PRKCA: variants seen among roughly 807,000 people sequenced by gnomAD.
The protein encoded by PRKCA is protein kinase C alpha type.
PRKCA carries 27 observed loss-of-function variants against 87.0 expected under a neutral mutation model. The ratio of observed to expected loss-of-function variants is 0.31; its 90% CI spans 0.23 to 0.43. The LOEUF is 0.43. Ranked by LOEUF, PRKCA falls within the 20% of genes least tolerant of loss-of-function variation. The probability of loss-of-function intolerance (pLI) is 1.00; values close to 1 mark genes in which losing one functional copy is unlikely to be tolerated. For missense variants in PRKCA, 518 were observed against 852.3 expected (o/e 0.61, Z 4.88); for synonymous variants, 329 against 311.1 (o/e 1.06, Z -0.61).
intron 2 of PRKCA, among the ~76,000 whole-genome samples, chr17:66,356,744 G>T (rs1598612896): frequency 6.6e-6 from 1 of 152,234 alleles, no homozygotes; most frequent in Middle Eastern, 3.4e-3. Flanking sequence ...CCCTTAAAAT[G>T]ATTTTTTAAA....
chr17:66,713,038 C>G (rs952312649), intron 8 of PRKCA, among the ~76,000 whole-genome samples: 1 of 138,924 alleles, frequency 7.2e-6, no homozygotes, highest in African/African-American at 2.7e-5. Flanking sequence ...TAAAGTGAAC[C>G]CTTTGTTGTC....
chr17:66,697,579 A>C (rs1972956006), intron 8 of PRKCA, among the ~76,000 whole-genome samples: 1 of 152,162 alleles, frequency 6.6e-6, no homozygotes, highest in Non-Finnish European at 1.5e-5. Context: ...GTAAGCACCC[A>C]GCTCCCCCAG....
At chr17:66,493,215 A>G (rs1433091545) in intron 2 of PRKCA, among the ~76,000 whole-genome samples, 3 of 152,046 alleles carry the variant, frequency 2.0e-5, no homozygotes, top group African/African-American at 7.2e-5. Flanking sequence ...AGAATTATCC[A>G]TGATTCTATT....
chr17:66,442,453 G>A (rs1457797811), intron 2 of PRKCA, among the ~76,000 whole-genome samples: 1 of 151,980 alleles, frequency 6.6e-6, no homozygotes, highest in Middle Eastern at 3.2e-3. Context: ...CCACTTCAGA[G>A]AGTGATCTTT....
chr17:66,645,747 G>T (rs913261059), intron 5 of PRKCA, among the ~76,000 whole-genome samples: 4 of 152,202 alleles, frequency 2.6e-5, no homozygotes, highest in Admixed American at 2.6e-4. Context: ...GTCACACAAA[G>T]TCACAAGCAC....
At chr17:66,330,255 G>A (rs908090535) in intron 2 of PRKCA, among the ~76,000 whole-genome samples, 5 of 151,866 alleles carry the variant, frequency 3.3e-5, no homozygotes, top group South Asian at 2.1e-4. Context: ...ACAGGTGCCC[G>A]CCACCACACC....
At chr17:66,530,084 T>C (rs551989731) in intron 3 of PRKCA, among the ~76,000 whole-genome samples, 116 of 148,394 alleles carry the variant, frequency 7.8e-4, no homozygotes, top group African/African-American at 3.0e-3. Flanking sequence ...ATGGATGATA[T>C]TTGGTTCCTG....
chr17:66,372,199 C>CA (rs1278467822), intron 2 of PRKCA, among the ~76,000 whole-genome samples: 1 of 152,204 alleles, frequency 6.6e-6, no homozygotes, highest in Non-Finnish European at 1.5e-5. Context: ...TCTGCACTGA[C>CA]ACAGGCGGTC....
chr17:66,588,535 TTGG>T (rs1969689937), intron 3 of PRKCA, among the ~76,000 whole-genome samples: 2 of 151,996 alleles, frequency 1.3e-5, no homozygotes, highest in Admixed American at 6.6e-5. Flanking sequence ...CTGAGACAAG[TTGG>T]TGGTGTGTTA....
chr17:66,385,032 A>G (rs976215254), intron 2 of PRKCA, among the ~76,000 whole-genome samples: 1 of 152,144 alleles, frequency 6.6e-6, no homozygotes, highest in South Asian at 2.1e-4. Flanking sequence ...CTTGTGCAGT[A>G]TTATCTTTCT....
intron 2 of PRKCA, among the ~76,000 whole-genome samples, chr17:66,334,244 G>T (rs1267283110): frequency 6.6e-6 from 1 of 151,800 alleles, no homozygotes; most frequent in Non-Finnish European, 1.5e-5. Context: ...AGTGAAACTA[G>T]GTCAAAAAAC....
At chr17:66,376,192 C>G (rs1365870264) in intron 2 of PRKCA, among the ~76,000 whole-genome samples, 1 of 152,126 alleles carries the variant, frequency 6.6e-6, no homozygotes, top group Non-Finnish European at 1.5e-5. Context: ...TGTTTAACCA[C>G]CCTCCCCTGA....
At chr17:66,574,373 A>T (rs1969164067) in intron 3 of PRKCA, among the ~76,000 whole-genome samples, 1 of 152,148 alleles carries the variant, frequency 6.6e-6, no homozygotes, top group Non-Finnish European at 1.5e-5. Context: ...TCTAACCCTC[A>T]GTCAGTCTCT....
At chr17:66,793,082 G>A (rs557581576) in intron 16 of PRKCA, among the ~76,000 whole-genome samples, 9 of 152,348 alleles carry the variant, frequency 5.9e-5, no homozygotes, top group Admixed American at 2.0e-4. Context: ...CTGGACACAG[G>A]CAGCCAACAA....
At chr17:66,641,530 G>C in intron 4 of PRKCA, 64 bp downstream of exon 4, 1 of 1,210,998 alleles carries the variant, frequency 8.3e-7, no homozygotes, top group South Asian at 1.4e-5. Context: ...GGTTTGCTGA[G>C]CAAGGAAGGC....
chr17:66,732,704 C>G lies in PRKCA; in HGVS notation c.935C>G (p.Pro312Arg), dbSNP rs760849115. The G allele has an allele frequency of 7.4e-6, 12 of 1,613,956 alleles. No individual in the cohort carries two copies. The Admixed American group carries it at 1.3e-4, about 18-fold the overall frequency. Residue 312 changes from proline to arginine, a missense_variant, in exon 9 of 17, where the codon CCT becomes CGT. This residue lies in a region of PRKCA where 300 missense variants were observed against 496.8 expected (regional missense o/e 0.60). Transcript: ENST00000413366. ...RQKFEKAKLGPAGNKVISPSE... is the reference protein window; with the variant it reads ...RQKFEKAKLGRAGNKVISPSE... The stretch of plus-strand genomic sequence containing the variant: ...GTTATTTAGAAAGCCAAACTTGGCC[C>G]TGCTGGCAACAAAGTCATCAGTCCC...
chr17:66,448,913 C>G (rs1173353981), intron 2 of PRKCA, among the ~76,000 whole-genome samples: 1 of 149,496 alleles, frequency 6.7e-6, no homozygotes, highest in Non-Finnish European at 1.5e-5. Flanking sequence ...CAGTCTTGCT[C>G]AACTTTTTTT....
chr17:66,526,958 T>C (rs142410873), intron 3 of PRKCA, among the ~76,000 whole-genome samples: 1 of 152,166 alleles, frequency 6.6e-6, no homozygotes, highest in East Asian at 1.9e-4. Context: ...AACTATAGCT[T>C]ATTGGGCCAC....
At chr17:66,540,805 G>A (rs1180973810) in intron 3 of PRKCA, among the ~76,000 whole-genome samples, 4 of 152,150 alleles carry the variant, frequency 2.6e-5, no homozygotes, top group African/African-American at 7.2e-5. Context: ...AGAGGCAGTC[G>A]AGGGTAATTA....
Sources: allele counts gnomAD v4.1 joint callset (sites outside exome capture counted in the v4.1 genomes callset), GRCh38; gene constraint gnomAD v4.1.1; regional missense constraint gnomAD v4.1.1; transcripts MANE v1.5; gene names NCBI Gene and HGNC (gene_info 2026-07-23, HGNC 2026-07-21).